The following PCDHGB1 variants were observed in gnomAD, a reference collection of about 807,000 sequenced individuals.
PCDHGB1 encodes protocadherin gamma-B1.
In PCDHGB1, 34 loss-of-function variants were observed where a neutral mutation model predicts 56.6. The observed-to-expected ratio is 0.60, with a 90% confidence interval of 0.46 to 0.80. The LOEUF (loss-of-function observed/expected upper bound fraction) is 0.80. Ranked by LOEUF, PCDHGB1 falls within the 30% of genes least tolerant of loss-of-function variation. The probability of loss-of-function intolerance (pLI) is 0.00; values close to 1 mark genes in which losing one functional copy is unlikely to be tolerated. For synonymous variants in PCDHGB1, 561 were observed against 505.9 expected (o/e 1.11, Z -1.46); for missense variants, 1,278 against 1,204.6 (o/e 1.06, Z -0.90).
chr5:141,412,170 A>G (rs1015665615), intron 1 of PCDHGB1: 2 of 152,230 alleles, frequency 1.3e-5, no homozygotes, highest in Non-Finnish European at 1.5e-5. Context: ...GATTATTTAT[A>G]CTGGTATTAA....
At position 141,445,006 on chromosome 5, in the gene PCDHGB1, G is replaced by A. The variant is rs550056654; in HGVS notation, c.2410-49801G>A. Among the ~76,000 whole-genome samples, 51 of 152,044 alleles carry A rather than the reference G, an allele frequency of 3.4e-4. 2 individuals are homozygous for A. The South Asian group carries it at 9.6e-3, about 28-fold the overall frequency. ...CATGGTATATATTTCCATTTAATTA[G>A]GTCTTTAATTTCTCTCAGCTATGTT... On this transcript the variant is annotated intron_variant, in intron 1 of 3. Transcript: ENST00000523390.
intron 1 of PCDHGB1, 79 bp downstream of exon 1, chr5:141,352,748 A>C: frequency 2.1e-6 from 3 of 1,432,690 alleles, no homozygotes; most frequent in Non-Finnish European, 2.8e-6. Context: ...CCAGCACTTA[A>C]CCAGGCTGAG....
chr5:141,420,744 C>T (rs1202150921), intron 1 of PCDHGB1, among the ~76,000 whole-genome samples: 8 of 152,194 alleles, frequency 5.3e-5, no homozygotes, highest in Admixed American at 5.2e-4. Context: ...TCAATTGGAA[C>T]CAACTACAAC....
intron 1 of PCDHGB1, chr5:141,415,152 C>T (rs758450562): frequency 6.2e-7 from 1 of 1,613,812 alleles, no homozygotes; most frequent in Admixed American, 1.7e-5. Context: ...CCCCTCTCTC[C>T]GCCACTGTCA....
At chr5:141,470,734 G>A (rs970003510) in intron 1 of PCDHGB1, among the ~76,000 whole-genome samples, 1 of 152,128 alleles carries the variant, frequency 6.6e-6, no homozygotes, top group Non-Finnish European at 1.5e-5. Context: ...GTCTTGCTCT[G>A]TCGCCCTGGC....
At chr5:141,389,118 C>T in intron 1 of PCDHGB1, 1 of 1,614,006 alleles carries the variant, frequency 6.2e-7, no homozygotes, top group Non-Finnish European at 8.5e-7. Context: ...AGACCGCGAG[C>T]AGAATCCAGA....
In PCDHGB1 at chr5:141,490,442, A is replaced by T. The variant is rs757900187; in HGVS notation, c.2410-4365A>T. On this transcript the variant is annotated intron_variant, in intron 1 of 3. Transcript: ENST00000523390. The surrounding 1 kb of genome is among the most constrained non-coding windows in gnomAD (Gnocchi z 5.4). ...CTGCCATTTCAGATTAAGCCTTCTG[A>T]GAACCACTACTCGCTGCTAACCAGC... 16 of 1,614,092 alleles carry T rather than the reference A, an allele frequency of 9.9e-6. No individual in the cohort carries two copies. Among genetic ancestry groups the T allele is most frequent in the Non-Finnish European group, 1.2e-5 (14 of 1,180,044 alleles).
intron 1 of PCDHGB1, among the ~76,000 whole-genome samples, chr5:141,430,066 G>A (rs550834063): frequency 4.1e-4 from 62 of 152,102 alleles, no homozygotes; most frequent in Non-Finnish European, 8.4e-4. Flanking sequence ...TCATTTTTAG[G>A]TTTCCATAAT....
chr5:141,500,176 A>ATTTT (rs1468241826), intron 2 of PCDHGB1, among the ~76,000 whole-genome samples: 91 of 145,916 alleles, frequency 6.2e-4, no homozygotes, highest in African/African-American at 2.3e-3. Context: ...CATGAGCTTC[A>ATTTT]TTTTTATTTT....
intron 1 of PCDHGB1, chr5:141,367,398 G>C (rs1419985129): frequency 2.0e-5 from 3 of 152,206 alleles, no homozygotes; most frequent in African/African-American, 7.2e-5. Context: ...TTAGCCGGGC[G>C]TGGTGGCAGG....
Position 141,487,665 on chromosome 5 carries a change from G to T in PCDHGB1, c.2410-7142G>T, listed in dbSNP as rs373971935. 8.7e-5 allele frequency: 141 copies of T among 1,612,724 alleles called. No individual in the cohort carries two copies. The highest frequency in any genetic ancestry group is 1.1e-4 in the Non-Finnish European group (135 of 1,179,392). On this transcript the variant is annotated intron_variant, in intron 1 of 3. Coordinates refer to ENST00000523390, the MANE Select transcript of PCDHGB1 (RefSeq NM_018922.3). The surrounding 1 kb of genome is among the most constrained non-coding windows in gnomAD (Gnocchi z 5.0). ...ATGCTTGAGGGTTATTCTGATCCAG[G>T]CATATGGCTAGGCCATGTCCTAGAG...
chr5:141,490,251 A>G lies in PCDHGB1; in HGVS notation c.2410-4556A>G, dbSNP rs1479384008. ...CCATGGAGGGCCACTGTGTGATTCA[A>G]GTGGATGTGGGGGATGTCAATGACA... is the stretch of plus-strand genomic sequence containing the variant. On this transcript the variant is annotated intron_variant, in intron 1 of 3. Coordinates refer to ENST00000523390, the MANE Select transcript of PCDHGB1 (RefSeq NM_018922.3). This position sits in a 1 kb window ranked among gnomAD's most constrained non-coding sequence, Gnocchi z 5.4. 6.2e-7 allele frequency: 1 copy of G among 1,614,210 alleles called. No homozygotes were observed. Among genetic ancestry groups the G allele is most frequent in the Non-Finnish European group, 8.5e-7 (1 of 1,180,036 alleles).
At chr5:141,362,328 C>G (rs1351863626) in intron 1 of PCDHGB1, 1 of 1,613,950 alleles carries the variant, frequency 6.2e-7, no homozygotes. Context: ...AGCCTGGTCT[C>G]AGCTCCAAGC....
At chr5:141,375,929 CT>C (rs1378296851) in intron 1 of PCDHGB1, 3 of 1,613,620 alleles carry the variant, frequency 1.9e-6, no homozygotes, top group Non-Finnish European at 1.7e-6. Context: ...CGAGCCAGGA[CT>C]TTTCTCAGTG....
chr5:141,488,186 G>T (rs1005725656), intron 1 of PCDHGB1, among the ~76,000 whole-genome samples: 2 of 152,180 alleles, frequency 1.3e-5, no homozygotes, highest in South Asian at 2.1e-4. Context: ...AGATCTTTTG[G>T]TCTGGGTCTT....
chr5:141,366,803 T>C, intron 1 of PCDHGB1: 1 of 1,562,322 alleles, frequency 6.4e-7, no homozygotes. Context: ...TTTGTTTCCT[T>C]TTTCATGTTT....
chr5:141,452,459 C>T (rs545368648), intron 1 of PCDHGB1, among the ~76,000 whole-genome samples: 38 of 152,246 alleles, frequency 2.5e-4, no homozygotes, highest in Middle Eastern at 6.8e-3. Context: ...TGTCAGCAGA[C>T]GGAGCTAGGA....
At chr5:141,355,944 C>T (rs181172875) in intron 1 of PCDHGB1, 8 of 1,613,864 alleles carry the variant, frequency 5.0e-6, no homozygotes, top group Middle Eastern at 1.6e-4. Flanking sequence ...CCGAGTACCA[C>T]GTAAGTGTTC....
chr5:141,366,103 G>T, intron 1 of PCDHGB1: 1 of 1,614,244 alleles, frequency 6.2e-7, no homozygotes, highest in Non-Finnish European at 8.5e-7. Flanking sequence ...TGACCAAGGT[G>T]GTAGCGGTGG....
Sources: allele counts gnomAD v4.1 joint callset (sites outside exome capture counted in the v4.1 genomes callset), GRCh38; gene constraint gnomAD v4.1.1; non-coding constraint Gnocchi (gnomAD v3.1); transcripts MANE v1.5; gene names NCBI Gene and HGNC (gene_info 2026-07-23, HGNC 2026-07-21).